KDM2A: variants seen among roughly 807,000 people sequenced by gnomAD.
KDM2A encodes lysine-specific demethylase 2A.
KDM2A carries 3 observed loss-of-function variants against 137.3 expected under a neutral mutation model. The ratio of observed to expected loss-of-function variants is 0.02; its 90% CI spans 0.01 to 0.06. KDM2A has a LOEUF of 0.06. Among genes scored for constraint, KDM2A ranks in the 10% least tolerant of loss-of-function variants. The pLI, the probability that KDM2A is intolerant of heterozygous loss-of-function variation, is 1.00. For missense variants in KDM2A, 738 were observed against 1,510.6 expected, an observed-to-expected ratio of 0.49 and a Z score of 8.48; for synonymous variants, 512 against 541.5, an observed-to-expected ratio of 0.95 and a Z score of 0.76.
At position 67,180,095 on chromosome 11, in the gene KDM2A, G is replaced by A. The variant is rs779790225; in HGVS notation, c.59G>A (p.Arg20Gln). The A allele has an allele frequency of 6.2e-7, 1 of 1,613,656 alleles. No homozygotes were observed. The highest frequency in any genetic ancestry group is 1.1e-5 in the South Asian group (1 of 91,050). ...YSQRLRGTMR[R>Q]RYEDDGISDD... ...CTTTCCTAGCGTGGTACCATGCGAC[G>A]ACGCTATGAAGATGATGGCATTTCA... The change falls in exon 3 of 21, where the codon CGA (arginine) becomes CAA (glutamine). Residue 20 changes from arginine to glutamine, a missense_variant. This residue lies in a region of KDM2A where 74 missense variants were observed against 181.8 expected (regional missense o/e 0.41). Transcript: ENST00000529006.
Position 67,175,859 on chromosome 11 carries a change from T to C in KDM2A, c.43-4220T>C, listed in dbSNP as rs372127075. On this transcript the variant is annotated intron_variant, in intron 2 of 20. Coordinates refer to ENST00000529006, the MANE Select transcript of KDM2A (RefSeq NM_012308.3). ...GAAACTATACTTATTCTAGTAGCATTGCTCTTGCTTTATAATGTGCTTGGA... is the reference window on the plus strand; with the variant it reads ...GAAACTATACTTATTCTAGTAGCATCGCTCTTGCTTTATAATGTGCTTGGA... Among the ~76,000 whole-genome samples, 69 of 152,362 alleles carry C rather than the reference T, an allele frequency of 4.5e-4. 4 individuals are homozygous for C. In the South Asian group the frequency reaches 0.014, roughly 31 times the overall value.
At chr11:67,162,427 C>G (rs969874464) in intron 2 of KDM2A, among the ~76,000 whole-genome samples, 6 of 152,110 alleles carry the variant, frequency 3.9e-5, no homozygotes, top group Admixed American at 3.9e-4. Context: ...TTTTTTGAGA[C>G]AGAGTCTCGT....
At chr11:67,169,731 C>A (rs1856833799) in intron 2 of KDM2A, among the ~76,000 whole-genome samples, 2 of 85,826 alleles carry the variant, frequency 2.3e-5, no homozygotes, top group Non-Finnish European at 6.2e-5. Context: ...CTCTCTCTCT[C>A]CTTCTCTCTC....
chr11:67,134,527 G>T (rs1180143629), intron 2 of KDM2A, among the ~76,000 whole-genome samples: 15 of 150,058 alleles, frequency 1.0e-4, no homozygotes, highest in Admixed American at 4.0e-4. Flanking sequence ...CTTTTTTTTT[G>T]AGACAGTCAA....
chr11:67,224,909 T>G (rs1033775132), intron 10 of KDM2A, among the ~76,000 whole-genome samples: 1 of 138,942 alleles, frequency 7.2e-6, no homozygotes, highest in Non-Finnish European at 1.5e-5. Flanking sequence ...TGGTGTGATC[T>G]CAGCTCACTG....
At chr11:67,166,680 A>G (rs1469374888) in intron 2 of KDM2A, among the ~76,000 whole-genome samples, 1 of 151,960 alleles carries the variant, frequency 6.6e-6, no homozygotes, top group Non-Finnish European at 1.5e-5. Context: ...CAGTATACAG[A>G]TCAGGTATCT....
At chr11:67,227,549 A>C (rs1248645337) in intron 10 of KDM2A, among the ~76,000 whole-genome samples, 1 of 151,894 alleles carries the variant, frequency 6.6e-6, no homozygotes, top group Non-Finnish European at 1.5e-5. Flanking sequence ...GGTGGTTCTA[A>C]ATGGTCTTCC....
chr11:67,247,653 G>A (rs1313041501), intron 15 of KDM2A, among the ~76,000 whole-genome samples: 1 of 151,380 alleles, frequency 6.6e-6, no homozygotes, highest in African/African-American at 2.4e-5. Flanking sequence ...TTGAACTCCT[G>A]GCATCAAGTG....
At chr11:67,168,032 T>A (rs1045721746) in intron 2 of KDM2A, among the ~76,000 whole-genome samples, 1 of 152,200 alleles carries the variant, frequency 6.6e-6, no homozygotes, top group Admixed American at 6.5e-5. Context: ...TTCCGACTCT[T>A]TTTATACTTC....
chr11:67,226,619 G>GGCTGAGGCA (rs1858553467), intron 10 of KDM2A, among the ~76,000 whole-genome samples: 1 of 152,076 alleles, frequency 6.6e-6, no homozygotes, highest in Admixed American at 6.6e-5. Context: ...CTACTCAGGA[G>GGCTGAGGCA]GCTGAGGCAG....
chr11:67,157,285 C>G (rs1807536552), intron 2 of KDM2A, among the ~76,000 whole-genome samples: 1 of 148,238 alleles, frequency 6.7e-6, no homozygotes, highest in Non-Finnish European at 1.5e-5. Context: ...TGCACTCCAT[C>G]CAGCCTGGGC....
At position 67,255,514 on chromosome 11, in the gene KDM2A, A is replaced by G. The variant is rs371129864; in HGVS notation, c.*459A>G. 8.8e-6 allele frequency: 4 copies of G among 457,142 alleles called. No individual in the cohort carries two copies. The highest frequency in any genetic ancestry group is 4.6e-5 in the South Asian group (3 of 64,568). The allele number at this position is 457,142 out of a possible 1,614,324, so 28.3% of individuals were successfully genotyped here. A position where few individuals can be genotyped will look rare whatever the true frequency, so the allele number is the denominator to read the frequency against. On this transcript the variant is annotated 3_prime_UTR_variant, in exon 21 of 21. Transcript: ENST00000529006. Reference sequence around the variant, plus strand: ...GGTGTCCAGTGCGCGTCTCTCCTCCATCACACTCTCCCGGCTTGCGCAGGA... The same window carrying G: ...GGTGTCCAGTGCGCGTCTCTCCTCCGTCACACTCTCCCGGCTTGCGCAGGA...
In KDM2A at chr11:67,255,234, C is replaced by CT; in HGVS notation, c.*180dup. ...AGAGGGTGGTGGACACCAGGCTTAT[C>CT]TGCCTGCTCCTCTCCCTCCTAAGGA... On this transcript the variant is annotated 3_prime_UTR_variant, in exon 21 of 21. Transcript: ENST00000529006. The CT allele has an allele frequency of 1.6e-6, 1 of 608,608 alleles. No homozygotes were observed. The highest frequency in any genetic ancestry group is 2.8e-5 in the East Asian group (1 of 36,068). 37.7% of individuals were successfully genotyped at this position (608,608 alleles called of 1,614,324 possible).
intron 5 of KDM2A, among the ~76,000 whole-genome samples, chr11:67,188,810 AT>A (rs1345619305): frequency 1.8e-4 from 27 of 148,112 alleles, no homozygotes; most frequent in Admixed American, 7.3e-4. Context: ...AAAAAAAAAA[AT>A]GTTTCAAGAG....
chr11:67,232,042 A>G (rs981399816), intron 12 of KDM2A, 82 bp downstream of exon 12: 3 of 1,385,204 alleles, frequency 2.2e-6, no homozygotes, highest in Non-Finnish European at 2.9e-6. Flanking sequence ...AAAATATAGG[A>G]ATTTTGGGTG....
rs546704728 is a variant in KDM2A at position 67,255,570 on chromosome 11, G to A, written c.*515G>A. The A allele has an allele frequency of 2.0e-5, 9 of 456,752 alleles. No homozygotes were observed. The highest frequency in any genetic ancestry group is 7.0e-5 in the East Asian group (1 of 14,366). 28.3% of individuals were successfully genotyped at this position (456,752 alleles called of 1,614,324 possible). A position where few individuals can be genotyped will look rare whatever the true frequency, so the allele number is the denominator to read the frequency against. On this transcript the variant is annotated 3_prime_UTR_variant, in exon 21 of 21. Transcript: ENST00000529006. Reference sequence around the variant, plus strand: ...CAGCAGCCCCAGGAGTCCCAGACCCGTGCCGATCACACTGGTGCTGTTGAG... The same window carrying A: ...CAGCAGCCCCAGGAGTCCCAGACCCATGCCGATCACACTGGTGCTGTTGAG...
At chr11:67,152,237 C>G (rs1482883327) in intron 2 of KDM2A, among the ~76,000 whole-genome samples, 5 of 146,374 alleles carry the variant, frequency 3.4e-5, no homozygotes, top group African/African-American at 1.3e-4. Flanking sequence ...CACTTGAGCC[C>G]AGGAGGCGGA....
chr11:67,255,388 G>A lies in KDM2A; in HGVS notation c.*333G>A. On this transcript the variant is annotated 3_prime_UTR_variant, in exon 21 of 21. Transcript: ENST00000529006. ...TTTGTGCAACCTTCATCTGCACTGG[G>A]CCCTGTGCCCCTCCTCCCCATCCAT... The A allele has an allele frequency of 2.1e-6, 1 of 474,440 alleles. No individual in the cohort carries two copies. 29.4% of individuals were successfully genotyped at this position (474,440 alleles called of 1,614,324 possible).
At chr11:67,144,717 C>G (rs1333891573) in intron 2 of KDM2A, among the ~76,000 whole-genome samples, 2 of 151,536 alleles carry the variant, frequency 1.3e-5, no homozygotes, top group Non-Finnish European at 1.5e-5. Flanking sequence ...GCACGCACCA[C>G]GAAGCCCAGC....
Sources: allele counts gnomAD v4.1 joint callset (sites outside exome capture counted in the v4.1 genomes callset), GRCh38; gene constraint gnomAD v4.1.1; regional missense constraint gnomAD v4.1.1; transcripts MANE v1.5; gene names NCBI Gene and HGNC (gene_info 2026-07-23, HGNC 2026-07-21).